Variants in CLSTN2 observed in about 807,000 individuals in gnomAD.
CLSTN2 encodes calsyntenin 2.
A neutral mutation model predicts 101.2 loss-of-function variants in CLSTN2; 48 were observed. That is an observed-to-expected ratio of 0.47 (90% confidence interval 0.38 to 0.60). CLSTN2 has a LOEUF of 0.60. Among genes scored for constraint, CLSTN2 ranks in the 20% least tolerant of loss-of-function variants. The pLI, the probability that CLSTN2 is intolerant of heterozygous loss-of-function variation, is 0.00. For synonymous variants in CLSTN2, 481 were observed against 463.6 expected, an observed-to-expected ratio of 1.04 and a Z score of -0.48; for missense variants, 1,160 against 1,238.2, an observed-to-expected ratio of 0.94 and a Z score of 0.95.
intron 8 of CLSTN2, among the ~76,000 whole-genome samples, chr3:140,488,978 G>A (rs932541281): frequency 2.2e-4 from 33 of 152,234 alleles, no homozygotes; most frequent in Middle Eastern, 3.4e-3. Context: ...CAGATAAATT[G>A]CAAGGAAAAG....
At chr3:140,559,901 A>T (rs1935875486) in intron 12 of CLSTN2, among the ~76,000 whole-genome samples, 1 of 152,226 alleles carries the variant, frequency 6.6e-6, no homozygotes, top group Admixed American at 6.5e-5. Flanking sequence ...CTGTCCAGGC[A>T]GGGCAGTTTC....
At chr3:140,371,541 G>T (rs1346513488) in intron 2 of CLSTN2, among the ~76,000 whole-genome samples, 1 of 152,172 alleles carries the variant, frequency 6.6e-6, no homozygotes, top group East Asian at 1.9e-4. Context: ...CTGCCCTCCA[G>T]TTGGCCACCT....
rs187864593 is a variant in CLSTN2, at chr3:140,230,916, A to G, written c.232+54843A>G. 3.3e-4 allele frequency among the ~76,000 whole-genome samples: 51 copies of G among 152,306 alleles called. 1 individual carries two copies. The East Asian group carries it at 9.5e-3, about 28-fold the overall frequency. On this transcript the variant is annotated intron_variant, in intron 2 of 16. Coordinates refer to ENST00000458420, the MANE Select transcript of CLSTN2 (RefSeq NM_022131.3). ...GTCTTGGATAACACTGTAAGGGCAAAGAACCTTGTAGGCTCTCAGGAGGCT... is the reference window on the plus strand; with the variant it reads ...GTCTTGGATAACACTGTAAGGGCAAGGAACCTTGTAGGCTCTCAGGAGGCT...
chr3:140,186,920 AAAAAC>A (rs2010493158), intron 2 of CLSTN2, among the ~76,000 whole-genome samples: 1 of 152,200 alleles, frequency 6.6e-6, no homozygotes, highest in Non-Finnish European at 1.5e-5. Flanking sequence ...AAGGAGTTAA[AAAAAC>A]AAAACAAAAC....
intron 10 of CLSTN2, 58 bp downstream of exon 10, chr3:140,546,739 C>A: frequency 6.8e-7 from 1 of 1,461,820 alleles, no homozygotes; most frequent in Non-Finnish European, 9.2e-7. Flanking sequence ...GCCCAGCCTG[C>A]ACAGCGCCAG....
At chr3:140,250,604 C>T (rs1224975319) in intron 2 of CLSTN2, among the ~76,000 whole-genome samples, 1 of 152,206 alleles carries the variant, frequency 6.6e-6, no homozygotes, top group Non-Finnish European at 1.5e-5. Context: ...GCTGCTGTCC[C>T]TGCAAGTGCC....
At chr3:140,408,634 T>A (rs1482947081) in intron 4 of CLSTN2, among the ~76,000 whole-genome samples, 1 of 152,140 alleles carries the variant, frequency 6.6e-6, no homozygotes, top group African/African-American at 2.4e-5. Context: ...AGTTTTTCAC[T>A]TTTGCAGTTT....
rs1343523399 is a variant in CLSTN2 at position 140,392,217 on chromosome 3, TA to T, written c.233-11404del. ...TAATATATTATCTAGTAGCCACATT[TA>T]AAAAAAAGAAATAGGTAAAATTGAT... is the stretch of plus-strand genomic sequence containing the variant. On this transcript the variant is annotated intron_variant, in intron 2 of 16. Transcript: ENST00000458420. Among the ~76,000 whole-genome samples, 5 of 150,474 alleles carry T rather than the reference TA, an allele frequency of 3.3e-5. No homozygotes were observed. In the East Asian group the frequency reaches 9.7e-4, roughly 29 times the overall value.
At chr3:140,019,062 C>T (rs2007255786) in intron 1 of CLSTN2, among the ~76,000 whole-genome samples, 1 of 152,088 alleles carries the variant, frequency 6.6e-6, no homozygotes, top group African/African-American at 2.4e-5. Flanking sequence ...GCTTCCTCTG[C>T]TTCAAACCAC....
intron 9 of CLSTN2, among the ~76,000 whole-genome samples, chr3:140,542,436 C>A (rs566784538): frequency 1.1e-4 from 16 of 152,244 alleles, no homozygotes; most frequent in African/African-American, 3.6e-4. Context: ...TGGAAAAAAT[C>A]AGGTTAAGAT....
rs939171039 is a variant in CLSTN2 at position 140,550,126 on chromosome 3, G to A, written c.1674+3445G>A. 4.9e-4 allele frequency among the ~76,000 whole-genome samples: 75 copies of A among 151,636 alleles called. 2 individuals carry two copies. Among genetic ancestry groups the A allele is most frequent in the Non-Finnish European group, 1.6e-4 (11 of 68,002 alleles). On this transcript the variant is annotated intron_variant, in intron 10 of 16. Coordinates refer to ENST00000458420, the MANE Select transcript of CLSTN2 (RefSeq NM_022131.3). Reference sequence around the variant, plus strand: ...TCCTAGGTTCAAATCACTGCAGGAGGAAAAAGGTGGAAGGTGCCAGAGAGG... The same window carrying A: ...TCCTAGGTTCAAATCACTGCAGGAGAAAAAAGGTGGAAGGTGCCAGAGAGG...
Position 140,459,459 on chromosome 3 carries a change from C to T in CLSTN2, c.974-62C>T, listed in dbSNP as rs927089342. 1.9e-6 allele frequency: 3 copies of T among 1,586,294 alleles called. No individual in the cohort carries two copies. The African/African-American group carries it at 4.0e-5, about 21-fold the overall frequency. On this transcript the variant is annotated intron_variant, in intron 6 of 16. Transcript: ENST00000458420. Reference sequence around the variant, plus strand: ...TGAGTAGTTCACCTTGACCCAGGAGCAGAAAACAGATGAGGACACCGCATC... The same window carrying T: ...TGAGTAGTTCACCTTGACCCAGGAGTAGAAAACAGATGAGGACACCGCATC...
At chr3:140,384,131 A>C (rs1027079179) in intron 2 of CLSTN2, among the ~76,000 whole-genome samples, 20 of 152,210 alleles carry the variant, frequency 1.3e-4, no homozygotes, top group African/African-American at 4.3e-4. Flanking sequence ...AAGGTACATG[A>C]AAAGAAAATG....
At chr3:140,485,078 C>T (rs1934208394) in intron 8 of CLSTN2, among the ~76,000 whole-genome samples, 1 of 152,188 alleles carries the variant, frequency 6.6e-6, no homozygotes, top group Admixed American at 6.5e-5. Flanking sequence ...GTTTTTCCCC[C>T]ATCTTTGTGG....
intron 2 of CLSTN2, among the ~76,000 whole-genome samples, chr3:140,322,762 G>A (rs989280846): frequency 6.6e-6 from 1 of 152,098 alleles, no homozygotes; most frequent in Non-Finnish European, 1.5e-5. Context: ...AGCCTCTGAG[G>A]GATTTCTGGG....
intron 1 of CLSTN2, among the ~76,000 whole-genome samples, chr3:140,081,275 A>G (rs139424757): frequency 7.9e-5 from 12 of 152,346 alleles, no homozygotes; most frequent in African/African-American, 1.9e-4. Context: ...ACAATGAAGA[A>G]AAGATAAAGA....
At chr3:140,493,443 T>C (rs1229661122) in intron 8 of CLSTN2, among the ~76,000 whole-genome samples, 1 of 152,256 alleles carries the variant, frequency 6.6e-6, no homozygotes, top group Non-Finnish European at 1.5e-5. Flanking sequence ...GCTGTTCTTA[T>C]AACTGTAGCA....
intron 8 of CLSTN2, among the ~76,000 whole-genome samples, chr3:140,478,939 T>C (rs1559882151): frequency 6.6e-6 from 1 of 151,762 alleles, no homozygotes; most frequent in Non-Finnish European, 1.5e-5. Context: ...CCTAAGGTGT[T>C]AGAGGATGAA....
At chr3:140,235,388 G>A (rs1178003975) in intron 2 of CLSTN2, among the ~76,000 whole-genome samples, 1 of 152,114 alleles carries the variant, frequency 6.6e-6, no homozygotes, top group African/African-American at 2.4e-5. Context: ...AAAAAGGATG[G>A]CAGTAGAGGA....
Sources: gnomAD v4.1 joint callset for allele counts (sites outside exome capture counted in the v4.1 genomes callset) on GRCh38, gnomAD v4.1.1 for gene constraint, MANE v1.5 for transcripts, NCBI Gene and HGNC (gene_info 2026-07-23, HGNC 2026-07-21) for gene names.